The following MAST3 variants were observed in gnomAD, a reference collection of about 807,000 sequenced individuals.
MAST3 encodes the protein microtubule-associated serine/threonine-protein kinase 3.
In MAST3, 43 loss-of-function variants were observed where a neutral mutation model predicts 127.0. The ratio of observed to expected loss-of-function variants is 0.34; its 90% CI spans 0.27 to 0.44. The LOEUF is 0.44. Ranked by LOEUF, MAST3 falls within the 20% of genes least tolerant of loss-of-function variation. The pLI is 1.00. For synonymous variants in MAST3, 785 were observed against 809.2 expected (o/e 0.97, Z 0.51); for missense variants, 1,390 against 1,919.1 (o/e 0.72, Z 5.15).
intron 11 of MAST3, among the ~76,000 whole-genome samples, chr19:18,125,764 A>ACAGCCAGCC (rs1162973592): frequency 6.6e-6 from 1 of 150,702 alleles, no homozygotes; most frequent in African/African-American, 2.4e-5. Context: ...AACAACTCCC[A>ACAGCCAGCC]CAGCCAGCCA....
intron 3 of MAST3, among the ~76,000 whole-genome samples, chr19:18,116,088 A>ATT (rs2039190139): frequency 2.4e-5 from 1 of 41,408 alleles, no homozygotes; most frequent in Admixed American, 2.9e-4. Flanking sequence ...ATTTGAAATT[A>ATT]TCTTTTTTTT....
rs551572869 is a variant in MAST3 at position 18,135,685 on chromosome 19, G to A, written c.1871-55G>A. On this transcript the variant is annotated intron_variant, in intron 17 of 27. Transcript: ENST00000687212. Reference sequence around the variant, plus strand: ...GGGAAATGGTGGATGGTACTAGAAAGGGGTACCCTGCCTTCTCCCTCCCTC... The same window carrying A: ...GGGAAATGGTGGATGGTACTAGAAAAGGGTACCCTGCCTTCTCCCTCCCTC... 1.1e-3 allele frequency: 1,525 copies of A among 1,329,166 alleles called. 4 individuals are homozygous for A. The highest frequency in any genetic ancestry group is 1.1e-3 in the Non-Finnish European group (1,045 of 945,022). 82.3% of individuals were successfully genotyped at this position (1,329,166 alleles called of 1,614,324 possible). A position where few individuals can be genotyped will look rare whatever the true frequency, so the allele number is the denominator to read the frequency against.
At position 18,149,266 on chromosome 19, in the gene MAST3, G is replaced by A. The variant is rs754421334; in HGVS notation, c.3584G>A (p.Arg1195His). Residue 1195 changes from arginine to histidine, a missense_variant, in exon 28 of 28, where the codon CGC (arginine) becomes CAC (histidine). Physicochemically the swap from Arg to His is conservative, Grantham distance 29. Transcript: ENST00000687212. The surrounding 1 kb of genome is among the most constrained non-coding windows in gnomAD (Gnocchi z 5.9). Reference sequence around the variant, plus strand: ...TCCCCAGCTGCTGCTGGCCACACCCGCCCCAGCTCCCTGCACGGCCTGGCT... The same window carrying A: ...TCCCCAGCTGCTGCTGGCCACACCCACCCCAGCTCCCTGCACGGCCTGGCT... ...PASPAAAGHT[R>H]PSSLHGLAAK... 2.2e-4 allele frequency: 318 copies of A among 1,442,434 alleles called. No homozygotes were observed. The highest frequency in any genetic ancestry group is 2.7e-4 in the Non-Finnish European group (291 of 1,091,506). 89.4% of individuals were successfully genotyped at this position (1,442,434 alleles called of 1,614,324 possible). A position where few individuals can be genotyped will look rare whatever the true frequency, so the allele number is the denominator to read the frequency against.
chr19:18,122,470 T>C (rs1599744324), intron 5 of MAST3, among the ~76,000 whole-genome samples: 1 of 91,126 alleles, frequency 1.1e-5, no homozygotes. Context: ...GCAGCTGGAC[T>C]CACGGGGGGG....
At chr19:18,131,366 GGGCA>G (rs1261498962) in intron 14 of MAST3, among the ~76,000 whole-genome samples, 2,086 of 92,312 alleles carry the variant, frequency 0.023, 20 homozygotes, top group Non-Finnish European at 0.024. Flanking sequence ...GCAACAGAGC[GGGCA>G]ACAGAGTGAG....
At position 18,118,344 on chromosome 19, in the gene MAST3, C is replaced by A. The variant is rs556353220; in HGVS notation, c.162-3341C>A. On this transcript the variant is annotated intron_variant, in intron 3 of 27. Transcript: ENST00000687212. ...TGTCCTGGCCGCGTGGCGCGGACCA[C>A]GGCGAGCGTCTGTCTGTGGCAGCAG... 1.4e-4 allele frequency: 107 copies of A among 757,854 alleles called. No individual in the cohort carries two copies. The African/African-American group carries it at 1.9e-3, about 13-fold the overall frequency. 46.9% of individuals were successfully genotyped at this position (757,854 alleles called of 1,614,324 possible). A position where few individuals can be genotyped will look rare whatever the true frequency, so the allele number is the denominator to read the frequency against.
intron 3 of MAST3, among the ~76,000 whole-genome samples, chr19:18,116,821 G>A (rs2039321456): frequency 6.8e-6 from 1 of 145,992 alleles, no homozygotes; most frequent in Admixed American, 6.8e-5. Flanking sequence ...GCTGAGACAG[G>A]AGAATCGTTT....
intron 5 of MAST3, among the ~76,000 whole-genome samples, 200 bp from the exon 6 acceptor site, chr19:18,122,473 C>CG (rs55849352): frequency 0.51 from 76,117 of 149,400 alleles, 19,671 homozygotes; most frequent in East Asian, 0.67. Flanking sequence ...GCTGGACTCA[C>CG]GGGGGGGCTT....
intron 5 of MAST3, 37 bp downstream of exon 5, chr19:18,121,959 C>T: frequency 1.2e-6 from 2 of 1,612,158 alleles, no homozygotes; most frequent in Non-Finnish European, 1.7e-6. Context: ...AGTGCGGGCA[C>T]CACGGGCAAG....
At chr19:18,114,552 G>A (rs2039004642) in intron 3 of MAST3, among the ~76,000 whole-genome samples, 1 of 152,142 alleles carries the variant, frequency 6.6e-6, no homozygotes, top group South Asian at 2.1e-4. Context: ...CTCACCCAGA[G>A]GTTTGACAGC....
chr19:18,120,897 T>A (rs1178594113), intron 3 of MAST3, among the ~76,000 whole-genome samples: 1 of 152,038 alleles, frequency 6.6e-6, no homozygotes, highest in Non-Finnish European at 1.5e-5. Flanking sequence ...AATTTTGTAT[T>A]TTTAGTACAG....
chr19:18,100,126 C>CT (rs201140700), intron 1 of MAST3, among the ~76,000 whole-genome samples: 29,166 of 115,774 alleles, frequency 0.25, 3,207 homozygotes, highest in Non-Finnish European at 0.29. Flanking sequence ...CTCTCTCTCT[C>CT]TCTTTTTTTT....
Position 18,149,274 on chromosome 19 carries a change from T to C in MAST3, c.3592T>C (p.Ser1198Pro), listed in dbSNP as rs1434062337. 1 of 1,535,112 alleles carries C rather than the reference T, an allele frequency of 6.5e-7. No individual in the cohort carries two copies. Among genetic ancestry groups the C allele is most frequent in the Non-Finnish European group, 8.7e-7 (1 of 1,144,906 alleles). ...PAAAGHTRPS[S>P]LHGLAAKLGP... ...TGCTGCTGGCCACACCCGCCCCAGC[T>C]CCCTGCACGGCCTGGCTGCCAAGCT... The change falls in exon 28 of 28, where the codon TCC (serine) becomes CCC (proline). Residue 1198 changes from serine to proline, a missense_variant. Physicochemically the swap from Ser to Pro is moderately conservative, Grantham distance 74 (BLOSUM62 -1). This residue lies in a region of MAST3 where 816 missense variants were observed against 934.1 expected (regional missense o/e 0.87). Transcript: ENST00000687212. The surrounding 1 kb of genome is among the most constrained non-coding windows in gnomAD (Gnocchi z 5.9).
At position 18,145,247 on chromosome 19, in the gene MAST3, A is replaced by G. The variant is rs1029829132; in HGVS notation, c.3039+18A>G. ...TCGTCTGGGTGAGTGCCGAGTGGGAATGGCAGGGACCCGGGTTCTAGTTTG... is the reference window on the plus strand; with the variant it reads ...TCGTCTGGGTGAGTGCCGAGTGGGAGTGGCAGGGACCCGGGTTCTAGTTTG... On this transcript the variant is annotated intron_variant, in intron 24 of 27. Transcript: ENST00000687212. This position sits in a 1 kb window ranked among gnomAD's most constrained non-coding sequence, Gnocchi z 5.9. 1 of 1,607,546 alleles carries G rather than the reference A, an allele frequency of 6.2e-7. No individual in the cohort carries two copies. Among genetic ancestry groups the G allele is most frequent in the Non-Finnish European group, 8.5e-7 (1 of 1,174,340 alleles).
intron 3 of MAST3, chr19:18,118,285 C>A: frequency 1.0e-6 from 1 of 982,340 alleles, no homozygotes; most frequent in Non-Finnish European, 1.2e-6. Flanking sequence ...GAAGGCTCGG[C>A]GGCCAGCCGA....
intron 1 of MAST3, among the ~76,000 whole-genome samples, chr19:18,100,128 C>CTTTTTTTTT (rs58879254): frequency 1.6e-5 from 2 of 121,718 alleles, no homozygotes; most frequent in African/African-American, 5.6e-5. Context: ...CTCTCTCTCT[C>CTTTTTTTTT]TTTTTTTTTT....
Position 18,145,736 on chromosome 19 carries a change from C to T in MAST3, c.3040-7C>T, listed in dbSNP as rs2042955462. ...CCATTGACCCCACCGTTCTCGTCTG[C>T]CCCCAGAGTGTGGAGGACGGAAGCC... On this transcript the variant is annotated splice_polypyrimidine_tract_variant and splice_region_variant and intron_variant, in intron 24 of 27. Coordinates refer to ENST00000687212, the MANE Select transcript of MAST3 (RefSeq NM_001393504.1). This position sits in a 1 kb window ranked among gnomAD's most constrained non-coding sequence, Gnocchi z 5.9. 1 of 1,585,212 alleles carries T rather than the reference C, an allele frequency of 6.3e-7. No homozygotes were observed. The highest frequency in any genetic ancestry group is 1.4e-5 in the African/African-American group (1 of 73,072).
intron 18 of MAST3, among the ~76,000 whole-genome samples, chr19:18,136,685 C>T (rs1384123551): frequency 6.6e-6 from 1 of 152,180 alleles, no homozygotes; most frequent in Non-Finnish European, 1.5e-5. Context: ...CCTCAGCCTC[C>T]CAAAGTGCTG....
chr19:18,129,287 A>C (rs762494072), intron 13 of MAST3: 6 of 282,300 alleles, frequency 2.1e-5, no homozygotes, highest in Non-Finnish European at 3.4e-5. Context: ...GCAGGCTTGC[A>C]TACAAGGGAA....
Sources: allele counts gnomAD v4.1 joint callset (sites outside exome capture counted in the v4.1 genomes callset), GRCh38; gene constraint gnomAD v4.1.1; regional missense constraint gnomAD v4.1.1; non-coding constraint Gnocchi (gnomAD v3.1); transcripts MANE v1.5; gene names NCBI Gene and HGNC (gene_info 2026-07-23, HGNC 2026-07-21).